Variants in HS6ST2 observed in about 807,000 individuals in gnomAD.
HS6ST2 encodes the protein heparan sulfate 6-O-sulfotransferase 2.
HS6ST2 carries 17 observed loss-of-function variants against 33.0 expected under a neutral mutation model. The ratio of observed to expected loss-of-function variants is 0.52; its 90% CI spans 0.35 to 0.77. HS6ST2 has a LOEUF of 0.77. Ranked by LOEUF, HS6ST2 falls within the 30% of genes least tolerant of loss-of-function variation. The pLI is 0.01. For synonymous variants in HS6ST2, 248 were observed against 237.1 expected, an observed-to-expected ratio of 1.05 and a Z score of -0.42; for missense variants, 519 against 551.7, an observed-to-expected ratio of 0.94 and a Z score of 0.59.
chrX:132,646,877 T>C lies in HS6ST2; in HGVS notation c.1068-17784A>G, dbSNP rs182071367. ...AGGAGGAGCAAAGGCATGTTTTCCA[T>C]GGCAGCAGGCAAGACAGTGTGTGCA... On this transcript the variant is annotated intron_variant, in intron 4 of 4. Transcript: ENST00000370833. 3.3e-3 allele frequency among the ~76,000 whole-genome samples: 368 copies of C among 112,236 alleles called. 1 individual carries two copies. Among genetic ancestry groups the C allele is most frequent in the Admixed American group, 0.018 (187 of 10,637 alleles).
At chrX:132,861,732 G>A (rs188608920) in intron 2 of HS6ST2, among the ~76,000 whole-genome samples, 305 of 112,135 alleles carry the variant, frequency 2.7e-3, no homozygotes, top group African/African-American at 9.0e-3. Flanking sequence ...GTCTGTTCAC[G>A]TTCTTTTCCA....
Position 132,628,155 on chromosome X carries a change from A to G in HS6ST2, c.*68T>C, listed in dbSNP as rs2063491668. ...AAGCAGGATGTGTTTGGACACTTTC[A>G]TCTTTTAAGCTATGCCATCTTTTCA... On this transcript the variant is annotated 3_prime_UTR_variant, in exon 5 of 5. Transcript: ENST00000370833. The G allele has an allele frequency of 1.1e-5, 9 of 812,360 alleles. No homozygotes were observed. Among genetic ancestry groups the G allele is most frequent in the Non-Finnish European group, 1.0e-5 (6 of 578,752 alleles). The allele number at this position is 812,360 out of a possible 1,213,427, so 66.9% of individuals were successfully genotyped here. A position where few individuals can be genotyped will look rare whatever the true frequency, so the allele number is the denominator to read the frequency against.
At chrX:132,778,442 C>T (rs2064986471) in intron 2 of HS6ST2, among the ~76,000 whole-genome samples, 1 of 111,517 alleles carries the variant, frequency 9.0e-6, no homozygotes, top group Admixed American at 9.6e-5. Flanking sequence ...CTCTGTTGCA[C>T]AGGCTGGAGT....
chrX:132,857,810 C>T (rs1216239810), intron 2 of HS6ST2, among the ~76,000 whole-genome samples: 3 of 111,677 alleles, frequency 2.7e-5, no homozygotes, highest in African/African-American at 9.8e-5. Context: ...AAACATAGTA[C>T]AGTCTCAATG....
At chrX:132,811,116 A>G (rs1168933384) in intron 2 of HS6ST2, among the ~76,000 whole-genome samples, 1 of 112,054 alleles carries the variant, frequency 8.9e-6, no homozygotes, top group African/African-American at 3.2e-5. Flanking sequence ...AAGTTTGATC[A>G]TGTCACTATT....
At chrX:132,709,841 A>ACACACACACACACACAC (rs1569482883) in intron 2 of HS6ST2, among the ~76,000 whole-genome samples, 1 of 109,874 alleles carries the variant, frequency 9.1e-6, no homozygotes, top group African/African-American at 3.3e-5. Flanking sequence ...ACACACACAC[A>ACACACACACACACACAC]AGAAAATATT....
chrX:132,714,422 C>T (rs1408857885), intron 2 of HS6ST2, among the ~76,000 whole-genome samples: 5 of 110,965 alleles, frequency 4.5e-5, no homozygotes, highest in Non-Finnish European at 9.4e-5. Flanking sequence ...AAGCGATTCT[C>T]CTGCCTCAGC....
intron 2 of HS6ST2, among the ~76,000 whole-genome samples, chrX:132,933,751 A>C (rs1221475907): frequency 1.8e-5 from 2 of 112,086 alleles, no homozygotes; most frequent in Non-Finnish European, 3.8e-5. Flanking sequence ...AGGAACCTCA[A>C]TAACACTGAC....
chrX:132,912,362 G>C (rs1339525628), intron 2 of HS6ST2, among the ~76,000 whole-genome samples: 2 of 112,561 alleles, frequency 1.8e-5, no homozygotes, highest in Non-Finnish European at 3.7e-5. Flanking sequence ...AGCTGCCCCA[G>C]TGTTGGTCCT....
chrX:132,792,566 T>C (rs1180842432), intron 2 of HS6ST2, among the ~76,000 whole-genome samples: 1 of 112,223 alleles, frequency 8.9e-6, no homozygotes, highest in Admixed American at 9.5e-5. Context: ...TTTTAGTATA[T>C]TATCAGTCAT....
intron 3 of HS6ST2, among the ~76,000 whole-genome samples, chrX:132,697,999 C>T (rs984044867): frequency 7.2e-5 from 8 of 111,805 alleles, no homozygotes; most frequent in African/African-American, 9.7e-5. Context: ...ATGTCTAGAA[C>T]GATCACTAAA....
intron 2 of HS6ST2, among the ~76,000 whole-genome samples, chrX:132,931,282 C>T (rs954221102): frequency 9.0e-6 from 1 of 111,342 alleles, no homozygotes; most frequent in Non-Finnish European, 1.9e-5. Flanking sequence ...TGTATCTCCC[C>T]AGGAGACCAA....
intron 3 of HS6ST2, among the ~76,000 whole-genome samples, chrX:132,700,783 C>G (rs967646917): frequency 9.0e-6 from 1 of 110,629 alleles, no homozygotes; most frequent in Non-Finnish European, 1.9e-5. Flanking sequence ...TGATGTGTAC[C>G]TTTAAATATG....
chrX:132,817,444 C>G (rs1276936457), intron 2 of HS6ST2, among the ~76,000 whole-genome samples: 1 of 111,124 alleles, frequency 9.0e-6, no homozygotes, highest in Non-Finnish European at 1.9e-5. Flanking sequence ...ATCAGTGTAA[C>G]AGCCCTCCAG....
rs771315408 is a variant in HS6ST2, at chrX:132,640,214, T to C, written c.1068-11121A>G. Among the ~76,000 whole-genome samples, 4 of 110,564 alleles carry C rather than the reference T, an allele frequency of 3.6e-5. No individual in the cohort carries two copies. The East Asian group carries it at 8.6e-4, about 24-fold the overall frequency. On this transcript the variant is annotated intron_variant, in intron 4 of 4. Coordinates refer to ENST00000370833, the MANE Select transcript of HS6ST2 (RefSeq NM_001394073.1). ...TAGAATTGGAGGGGGCGGGGGCAGA[T>C]AGAGGCACAGTATATTTCAGTGCTA...
At chrX:132,804,189 A>C (rs1190063770) in intron 2 of HS6ST2, among the ~76,000 whole-genome samples, 1 of 112,214 alleles carries the variant, frequency 8.9e-6, no homozygotes, top group African/African-American at 3.2e-5. Flanking sequence ...TTTCTCCCTT[A>C]AGCTTCTTCT....
At chrX:132,773,869 T>C (rs1259533005) in intron 2 of HS6ST2, among the ~76,000 whole-genome samples, 2 of 111,899 alleles carry the variant, frequency 1.8e-5, no homozygotes, top group Admixed American at 9.6e-5. Flanking sequence ...GGATTTCCTA[T>C]GGAGGTGTGA....
chrX:132,643,709 G>A (rs1162566418), intron 4 of HS6ST2, among the ~76,000 whole-genome samples: 1 of 111,206 alleles, frequency 9.0e-6, no homozygotes, highest in Non-Finnish European at 1.9e-5. Context: ...AACAGGAATC[G>A]GCTTTAGGCA....
At chrX:132,853,423 T>G (rs1217060827) in intron 2 of HS6ST2, among the ~76,000 whole-genome samples, 1 of 108,685 alleles carries the variant, frequency 9.2e-6, no homozygotes, top group African/African-American at 3.4e-5. Context: ...CCTCCCAAAG[T>G]GCTGAGATTA....
Sources: gnomAD v4.1 joint callset for allele counts (sites outside exome capture counted in the v4.1 genomes callset) on GRCh38, gnomAD v4.1.1 for gene constraint, MANE v1.5 for transcripts, NCBI Gene and HGNC (gene_info 2026-07-23, HGNC 2026-07-21) for gene names.